The following PARD3B variants were observed in gnomAD, a reference collection of about 807,000 sequenced individuals.
The protein encoded by PARD3B is par-3 family cell polarity regulator beta.
In PARD3B, 103 loss-of-function variants were observed where a neutral mutation model predicts 130.2. The ratio of observed to expected loss-of-function variants is 0.79; its 90% confidence interval spans 0.67 to 0.93. PARD3B has a LOEUF of 0.93. Ranked by LOEUF, PARD3B falls within the 40% of genes least tolerant of loss-of-function variation. The pLI is 0.00. For missense variants in PARD3B, 1,609 were observed against 1,499.2 expected, an observed-to-expected ratio of 1.07 and a Z score of -1.21; for synonymous variants, 583 against 553.2, an observed-to-expected ratio of 1.05 and a Z score of -0.76.
intron 11 of PARD3B, among the ~76,000 whole-genome samples, chr2:205,168,658 C>T (rs1001236150): frequency 6.8e-6 from 1 of 147,998 alleles, no homozygotes; most frequent in Non-Finnish European, 1.5e-5. Context: ...AGGTAGACAG[C>T]CTTTTTTTTT....
chr2:205,541,118 A>G (rs1163385428), intron 21 of PARD3B, among the ~76,000 whole-genome samples: 2 of 152,190 alleles, frequency 1.3e-5, no homozygotes, highest in Non-Finnish European at 2.9e-5. Flanking sequence ...TAGAGGAATG[A>G]AGTATTCTGA....
intron 2 of PARD3B, among the ~76,000 whole-genome samples, chr2:204,869,069 A>G (rs1168772673): frequency 6.6e-6 from 1 of 151,974 alleles, no homozygotes; most frequent in Non-Finnish European, 1.5e-5. Context: ...AGGTTGATGT[A>G]TTTTTTCCTT....
chr2:205,563,288 G>T lies in PARD3B; in HGVS notation c.3260+9885G>T, dbSNP rs1393576949. Among the ~76,000 whole-genome samples, 2 of 152,274 alleles carry T rather than the reference G, an allele frequency of 1.3e-5. No individual in the cohort carries two copies. The highest frequency in any genetic ancestry group is 3.9e-4 in the East Asian group (2 of 5,182). On this transcript the variant is annotated intron_variant, in intron 22 of 22. Transcript: ENST00000406610. This position sits in a 1 kb window ranked among gnomAD's most constrained non-coding sequence, Gnocchi z 4.2. ...GGAGAGGTTGTAAAACCTATTGCGT[G>T]CCTTCTATGTCTGTACGTTTTGCAT...
Position 205,263,343 on chromosome 2 carries a change from G to A in PARD3B, c.2185+17521G>A, listed in dbSNP as rs2040388708. ...GGAAGCAGCAAGGAACATAAGAGGA[G>A]GTCCAAGCAAAAGCAGTGGATAACA... is the stretch of plus-strand genomic sequence containing the variant. On this transcript the variant is annotated intron_variant, in intron 16 of 22. Transcript: ENST00000406610. The surrounding 1 kb of genome is among the most constrained non-coding windows in gnomAD (Gnocchi z 4.0). Among the ~76,000 whole-genome samples the A allele has an allele frequency of 1.4e-5, 2 of 141,508 alleles. 1 individual carries two copies. Among genetic ancestry groups the A allele is most frequent in the Non-Finnish European group, 3.2e-5 (2 of 62,844 alleles). The allele number at this position is 141,508 out of a possible 152,430, so 92.8% of individuals were successfully genotyped here. A position where few individuals can be genotyped will look rare whatever the true frequency, so the allele number is the denominator to read the frequency against.
intron 2 of PARD3B, among the ~76,000 whole-genome samples, chr2:204,848,947 A>G (rs1231549570): frequency 6.6e-6 from 1 of 152,110 alleles, no homozygotes; most frequent in Non-Finnish European, 1.5e-5. Flanking sequence ...CAATTTTAAA[A>G]ATCAATCTTT....
intron 20 of PARD3B, among the ~76,000 whole-genome samples, chr2:205,491,600 T>C (rs556331797): frequency 4.9e-4 from 75 of 152,290 alleles, no homozygotes; most frequent in Non-Finnish European, 8.1e-4. Flanking sequence ...GGCTCTTTTT[T>C]GGTTCCGGCC....
intron 18 of PARD3B, among the ~76,000 whole-genome samples, chr2:205,343,378 A>G (rs968966836): frequency 1.3e-5 from 2 of 152,194 alleles, no homozygotes; most frequent in Non-Finnish European, 2.9e-5. Flanking sequence ...GAGTGGAGTT[A>G]GGGAGCTGTT....
chr2:205,069,025 C>T lies in PARD3B; in HGVS notation c.504+21335C>T, dbSNP rs142969728. 7.9e-5 allele frequency among the ~76,000 whole-genome samples: 12 copies of T among 151,802 alleles called. No homozygotes were observed. In the East Asian group the frequency reaches 2.3e-3, roughly 29 times the overall value. On this transcript the variant is annotated intron_variant, in intron 4 of 22. Transcript: ENST00000406610. The stretch of plus-strand genomic sequence containing the variant: ...TTACCTGAAGCTTGTTCATTTTGTT[C>T]TTCAAATATTCGATATACCTACCTT...
chr2:205,267,137 AATC>A (rs1201046571), intron 16 of PARD3B, among the ~76,000 whole-genome samples: 3 of 152,160 alleles, frequency 2.0e-5, no homozygotes. Context: ...AAAGGGGAGA[AATC>A]ATTCTAAACT....
At chr2:205,195,829 T>TAA (rs146274197) in intron 15 of PARD3B, among the ~76,000 whole-genome samples, 234 of 150,114 alleles carry the variant, frequency 1.6e-3, no homozygotes, top group Middle Eastern at 3.4e-3. Context: ...GGTTCAAAAT[T>TAA]TAAAAAAAAA....
chr2:205,133,512 C>T (rs1188037115), intron 10 of PARD3B, among the ~76,000 whole-genome samples: 2 of 152,118 alleles, frequency 1.3e-5, no homozygotes, highest in Non-Finnish European at 2.9e-5. Flanking sequence ...GGTGCTCACT[C>T]AAGTTTGAGA....
intron 2 of PARD3B, among the ~76,000 whole-genome samples, chr2:204,810,213 C>T (rs976499361): frequency 2.6e-5 from 4 of 152,064 alleles, no homozygotes; most frequent in African/African-American, 9.7e-5. Context: ...GACTTCCTCT[C>T]TTCCTATTTA....
intron 13 of PARD3B, among the ~76,000 whole-genome samples, chr2:205,180,176 T>C (rs2035708874): frequency 6.6e-6 from 1 of 151,248 alleles, no homozygotes; most frequent in Admixed American, 6.6e-5. Flanking sequence ...TTATATTTTC[T>C]TTGTGGATCT....
At chr2:205,559,132 G>A (rs1477461790) in intron 22 of PARD3B, among the ~76,000 whole-genome samples, 1 of 152,146 alleles carries the variant, frequency 6.6e-6, no homozygotes, top group African/African-American at 2.4e-5. Flanking sequence ...CACCACTGGA[G>A]CAATACCTAC....
At chr2:204,860,405 C>T (rs1170888616) in intron 2 of PARD3B, among the ~76,000 whole-genome samples, 3 of 152,270 alleles carry the variant, frequency 2.0e-5, no homozygotes, top group East Asian at 3.9e-4. Context: ...GTGGCCTGGA[C>T]GCTGAAGCAG....
chr2:205,494,559 C>A (rs2049855312), intron 20 of PARD3B, among the ~76,000 whole-genome samples: 1 of 152,174 alleles, frequency 6.6e-6, no homozygotes, highest in Non-Finnish European at 1.5e-5. Context: ...GCTCCAACAT[C>A]ATTTTTTAAT....
rs1268891465 is a variant in PARD3B at position 205,224,277 on chromosome 2, A to C, written c.2141-21501A>C. ...TCCCAGCTACTCGGGAGGCTGAGGC[A>C]GGAGAATGGTGTGAGCCCAGGAGGT... On this transcript the variant is annotated intron_variant, in intron 15 of 22. Coordinates refer to ENST00000406610, the MANE Select transcript of PARD3B (RefSeq NM_001302769.2). Among the ~76,000 whole-genome samples the C allele has an allele frequency of 8.0e-5, 11 of 138,184 alleles. 2 individuals carry two copies. The East Asian group carries it at 2.3e-3, about 29-fold the overall frequency. 90.7% of individuals were successfully genotyped at this position (138,184 alleles called of 152,430 possible). A position where few individuals can be genotyped will look rare whatever the true frequency, so the allele number is the denominator to read the frequency against.
At chr2:205,068,787 G>A (rs1054414168) in intron 4 of PARD3B, among the ~76,000 whole-genome samples, 5 of 151,848 alleles carry the variant, frequency 3.3e-5, no homozygotes, top group African/African-American at 4.8e-5. Context: ...CCCCTTTACC[G>A]TATGAATTAT....
intron 2 of PARD3B, among the ~76,000 whole-genome samples, chr2:204,828,470 G>A (rs1012531466): frequency 6.6e-6 from 1 of 152,078 alleles, no homozygotes; most frequent in African/African-American, 2.4e-5. Context: ...ATTCTTATTC[G>A]CAGCTAGACT....
Sources: gnomAD v4.1 joint callset for allele counts (sites outside exome capture counted in the v4.1 genomes callset) on GRCh38, gnomAD v4.1.1 for gene constraint, Gnocchi (gnomAD v3.1) non-coding constraint, MANE v1.5 for transcripts, NCBI Gene and HGNC (gene_info 2026-07-23, HGNC 2026-07-21) for gene names.